Variants in ADAM22 observed in about 807,000 individuals in gnomAD.
ADAM22 encodes ADAM metallopeptidase domain 22, also known as disintegrin and metalloproteinase domain-containing protein 22.
ADAM22 carries 65 observed loss-of-function variants against 144.6 expected under a neutral mutation model. The ratio of observed to expected loss-of-function variants is 0.45; its 90% CI spans 0.37 to 0.55. The LOEUF (loss-of-function observed/expected upper bound fraction) is 0.55, where lower values mean the gene tolerates loss of function less well. Ranked by LOEUF, ADAM22 falls within the 20% of genes least tolerant of loss-of-function variation. The probability of loss-of-function intolerance (pLI) is 0.00; values close to 1 mark genes in which losing one functional copy is unlikely to be tolerated. For synonymous variants in ADAM22, 391 were observed against 412.6 expected, an observed-to-expected ratio of 0.95 and a Z score of 0.63; for missense variants, 974 against 1,184.9, an observed-to-expected ratio of 0.82 and a Z score of 2.61.
intron 3 of ADAM22, among the ~76,000 whole-genome samples, chr7:87,985,797 A>G (rs1330084311): frequency 2.0e-5 from 3 of 152,076 alleles, no homozygotes; most frequent in Admixed American, 1.3e-4. Flanking sequence ...TTGCGTGCCT[A>G]TATGTTTTCA....
intron 4 of ADAM22, among the ~76,000 whole-genome samples, chr7:88,086,319 T>A (rs936668369): frequency 3.9e-5 from 6 of 152,242 alleles, no homozygotes; most frequent in African/African-American, 1.4e-4. Flanking sequence ...AATTTTGTAT[T>A]TAGTGTAAAA....
At chr7:88,016,756 T>C (rs943255269) in intron 3 of ADAM22, among the ~76,000 whole-genome samples, 1 of 152,062 alleles carries the variant, frequency 6.6e-6, no homozygotes, top group South Asian at 2.1e-4. Flanking sequence ...GAGAGGATAA[T>C]TGTGGTTGAT....
intron 22 of ADAM22, among the ~76,000 whole-genome samples, chr7:88,157,516 A>G (rs1490329035): frequency 6.6e-6 from 1 of 152,186 alleles, no homozygotes; most frequent in African/African-American, 2.4e-5. Flanking sequence ...TAGTTATGCT[A>G]CAAATTTCTC....
chr7:88,196,607 G>GTAGCATCTC lies in ADAM22; in HGVS notation c.*116_*117insTAGCATCTC. On this transcript the variant is annotated 3_prime_UTR_variant, in exon 32 of 32. Transcript: ENST00000413139. ...TCTTCAGACAATACGAAGACCCTCTGAGATGCTACAGAGGAGAGGAAGCGG... is the reference window on the plus strand; with the variant it reads ...TCTTCAGACAATACGAAGACCCTCTGTAGCATCTCAGATGCTACAGAGGAGAGGAAGCGG... The GTAGCATCTC allele has an allele frequency of 8.6e-7, 1 of 1,159,022 alleles. No individual in the cohort carries two copies. The highest frequency in any genetic ancestry group is 1.3e-6 in the Non-Finnish European group (1 of 777,238). 71.8% of individuals were successfully genotyped at this position (1,159,022 alleles called of 1,614,324 possible).
chr7:87,954,163 G>A (rs1389613865), intron 2 of ADAM22, among the ~76,000 whole-genome samples: 1 of 151,814 alleles, frequency 6.6e-6, no homozygotes, highest in Non-Finnish European at 1.5e-5. Flanking sequence ...ATATTGTTAT[G>A]TGTGAATTTG....
At chr7:87,969,218 T>G (rs1849854252) in intron 2 of ADAM22, among the ~76,000 whole-genome samples, 1 of 152,230 alleles carries the variant, frequency 6.6e-6, no homozygotes, top group Non-Finnish European at 1.5e-5. Context: ...CATCTTGATC[T>G]TCCATAATAG....
At chr7:88,117,500 G>A (rs1828068351) in intron 7 of ADAM22, among the ~76,000 whole-genome samples, 1 of 152,124 alleles carries the variant, frequency 6.6e-6, no homozygotes, top group Non-Finnish European at 1.5e-5. Flanking sequence ...TGACAGGAAG[G>A]GCAGTGCATG....
rs544913074 is a variant in ADAM22, at chr7:88,058,389, G to A, written c.324-17237G>A. Among the ~76,000 whole-genome samples, 29 of 152,310 alleles carry A rather than the reference G, an allele frequency of 1.9e-4. 1 individual carries two copies. In the South Asian group the frequency reaches 3.9e-3, roughly 21 times the overall value. ...ATCTATAAACATATGGAAGAAAAGC[G>A]AAGTGCCAAGTCTACTTTTTTGGCT... is the stretch of plus-strand genomic sequence containing the variant. On this transcript the variant is annotated intron_variant, in intron 3 of 31. Coordinates refer to ENST00000413139, the MANE Select transcript of ADAM22 (RefSeq NM_001324418.2).
In ADAM22 at chr7:87,944,819, T is replaced by G. The variant is rs1039781758; in HGVS notation, c.246+9633T>G. On this transcript the variant is annotated intron_variant, in intron 2 of 31. Transcript: ENST00000413139. Reference sequence around the variant, plus strand: ...AGGTCTTTAAAGGGAAACTTGTGTTTTTTTTTTTTTTGTTTTTTTTTTTTT... The same window carrying G: ...AGGTCTTTAAAGGGAAACTTGTGTTGTTTTTTTTTTTGTTTTTTTTTTTTT... Among the ~76,000 whole-genome samples the G allele has an allele frequency of 6.0e-4, 91 of 150,642 alleles. 1 individual carries two copies. Among genetic ancestry groups the G allele is most frequent in the Admixed American group, 6.0e-3 (91 of 15,124 alleles).
chr7:87,983,104 A>G (rs1854101398), intron 3 of ADAM22, among the ~76,000 whole-genome samples: 1 of 152,120 alleles, frequency 6.6e-6, no homozygotes. Flanking sequence ...ATGTGTTTTA[A>G]TAGCTAGTAT....
intron 9 of ADAM22, among the ~76,000 whole-genome samples, chr7:88,129,277 T>C (rs1470489922): frequency 2.0e-5 from 3 of 152,040 alleles, no homozygotes; most frequent in Non-Finnish European, 4.4e-5. Flanking sequence ...AGCACAGCAA[T>C]GAGTTATAAT....
intron 3 of ADAM22, among the ~76,000 whole-genome samples, chr7:87,995,481 A>T (rs1440309873): frequency 6.6e-6 from 1 of 152,204 alleles, no homozygotes; most frequent in Non-Finnish European, 1.5e-5. Flanking sequence ...GGGGAATTTT[A>T]AAAACTACTA....
chr7:88,044,238 C>T lies in ADAM22; in HGVS notation c.324-31388C>T, dbSNP rs532753042. ...TTTGAAGAAAGTGGTTTAAAATTAA[C>T]TTAAAAGTTACTCTTCCCTTTTGGA... is the stretch of plus-strand genomic sequence containing the variant. On this transcript the variant is annotated intron_variant, in intron 3 of 31. Transcript: ENST00000413139. 5.3e-5 allele frequency among the ~76,000 whole-genome samples: 8 copies of T among 152,230 alleles called. No homozygotes were observed. The East Asian group carries it at 1.5e-3, about 29-fold the overall frequency.
At chr7:87,972,842 A>G (rs184310931) in intron 2 of ADAM22, among the ~76,000 whole-genome samples, 2,334 of 152,316 alleles carry the variant, frequency 0.015, 38 homozygotes, top group Non-Finnish European at 0.022. Context: ...AGCAATGGGG[A>G]AAGGATTCCC....
At chr7:88,133,090 C>T (rs1199038176) in intron 12 of ADAM22, 139 bp downstream of exon 12, 11 of 699,038 alleles carry the variant, frequency 1.6e-5, no homozygotes, top group Admixed American at 2.9e-5. Context: ...TGGCCTGGCA[C>T]AATGGCTTAT....
rs749545505 is a variant in ADAM22, at chr7:87,935,192, A to G, written c.246+6A>G. On this transcript the variant is annotated splice_donor_region_variant and intron_variant, in intron 2 of 31. Coordinates refer to ENST00000413139, the MANE Select transcript of ADAM22 (RefSeq NM_001324418.2). ...GCGACCTCGGTGGCCCGCAGGTGAG[A>G]GGCTCGGTCCGGGAGGTGGTCCTCC... The G allele has an allele frequency of 6.3e-7, 1 of 1,593,382 alleles. No individual in the cohort carries two copies. Among genetic ancestry groups the G allele is most frequent in the Non-Finnish European group, 8.5e-7 (1 of 1,169,750 alleles).
intron 4 of ADAM22, among the ~76,000 whole-genome samples, chr7:88,077,950 C>T (rs930443602): frequency 2.0e-5 from 3 of 152,236 alleles, no homozygotes; most frequent in Admixed American, 6.5e-5. Flanking sequence ...CAGCAATAAC[C>T]TCTGCAGACT....
intron 23 of ADAM22, among the ~76,000 whole-genome samples, chr7:88,164,517 G>C (rs143676291): frequency 2.7e-4 from 41 of 152,034 alleles, no homozygotes; most frequent in African/African-American, 9.9e-4. Context: ...TATTATTTTT[G>C]TACTATATAT....
chr7:88,188,145 TG>T lies in ADAM22; in HGVS notation c.2750+1445del, dbSNP rs534064583. 2.2e-4 allele frequency among the ~76,000 whole-genome samples: 33 copies of T among 152,234 alleles called. No individual in the cohort carries two copies. In the East Asian group the frequency reaches 5.6e-3, roughly 26 times the overall value. ...TCAGGCTTGTGGGCAGATTGTAATT[TG>T]TACCAGCCATGGAACCAAAACAGAA... is the stretch of plus-strand genomic sequence containing the variant. On this transcript the variant is annotated intron_variant, in intron 30 of 31. Transcript: ENST00000413139.
Sources: allele counts gnomAD v4.1 joint callset (sites outside exome capture counted in the v4.1 genomes callset), GRCh38; gene constraint gnomAD v4.1.1; transcripts MANE v1.5; gene names NCBI Gene and HGNC (gene_info 2026-07-23, HGNC 2026-07-21).